STK33: variants seen among roughly 807,000 people sequenced by gnomAD.
STK33 encodes serine/threonine kinase 33.
Under a neutral mutation model 58.0 loss-of-function variants are expected in STK33, and 52 were observed. The ratio of observed to expected loss-of-function variants is 0.90; its 90% CI spans 0.72 to 1.13. STK33 has a LOEUF of 1.13. Among genes scored for constraint, STK33 ranks in the 50% most tolerant of loss-of-function variants. The pLI, the probability that STK33 is intolerant of heterozygous loss-of-function variation, is 0.00. For synonymous variants in STK33, 215 were observed against 200.1 expected, an observed-to-expected ratio of 1.07 and a Z score of -0.63; for missense variants, 630 against 604.2, an observed-to-expected ratio of 1.04 and a Z score of -0.45.
chr11:8,446,393 C>A (rs1429768335), intron 11 of STK33, among the ~76,000 whole-genome samples: 1 of 152,076 alleles, frequency 6.6e-6, no homozygotes, highest in Non-Finnish European at 1.5e-5. Context: ...CTGCTCTGAT[C>A]TTAGTTATTT....
intron 1 of STK33, among the ~76,000 whole-genome samples, chr11:8,561,838 A>G (rs548639784): frequency 6.6e-6 from 1 of 152,298 alleles, no homozygotes; most frequent in East Asian, 1.9e-4. Context: ...CTGAGGGATA[A>G]CTGGAACCAC....
chr11:8,428,308 G>C (rs1040756253), intron 14 of STK33, among the ~76,000 whole-genome samples: 1 of 152,224 alleles, frequency 6.6e-6, no homozygotes, highest in Non-Finnish European at 1.5e-5. Context: ...GGATATGTAA[G>C]CACTGGTGTC....
At chr11:8,544,661 A>T (rs1955781669) in intron 1 of STK33, among the ~76,000 whole-genome samples, 1 of 152,118 alleles carries the variant, frequency 6.6e-6, no homozygotes, top group Non-Finnish European at 1.5e-5. Context: ...ATAGTTAATC[A>T]TAAAGATATG....
chr11:8,551,691 T>C (rs1193426215), intron 1 of STK33, among the ~76,000 whole-genome samples: 1 of 152,104 alleles, frequency 6.6e-6, no homozygotes, highest in Non-Finnish European at 1.5e-5. Context: ...TGCGCAGAAC[T>C]TGTAGGGAGC....
intron 1 of STK33, among the ~76,000 whole-genome samples, chr11:8,562,784 T>C (rs11041988): frequency 0.028 from 4,203 of 152,270 alleles, 55 homozygotes; most frequent in East Asian, 0.047. Flanking sequence ...TCATCAAATA[T>C]GCATAGGATA....
intron 1 of STK33, among the ~76,000 whole-genome samples, chr11:8,519,775 C>G (rs1241284781): frequency 6.6e-6 from 1 of 152,132 alleles, no homozygotes; most frequent in Non-Finnish European, 1.5e-5. Context: ...CACATACACC[C>G]TCCCAAGACT....
chr11:8,481,205 C>T (rs377764785), intron 1 of STK33, among the ~76,000 whole-genome samples: 2 of 152,184 alleles, frequency 1.3e-5, no homozygotes, highest in East Asian at 1.9e-4. Context: ...AGGGTCCAGG[C>T]AACTTTCCCC....
intron 6 of STK33, chr11:8,466,569 C>G (rs971471000): frequency 6.6e-6 from 1 of 152,236 alleles, no homozygotes; most frequent in Non-Finnish European, 1.5e-5. Flanking sequence ...AAGGTACAGC[C>G]TCCCTCCTGG....
intron 1 of STK33, among the ~76,000 whole-genome samples, chr11:8,544,507 T>G (rs1955766827): frequency 6.6e-6 from 1 of 151,460 alleles, no homozygotes; most frequent in African/African-American, 2.4e-5. Context: ...GCTTTTTAAA[T>G]TTTTCAACTG....
chr11:8,527,580 G>A (rs923142439), intron 1 of STK33, among the ~76,000 whole-genome samples: 3 of 152,100 alleles, frequency 2.0e-5, no homozygotes, highest in African/African-American at 7.2e-5. Flanking sequence ...TGTTCCCATG[G>A]CAAGAACTTG....
intron 1 of STK33, among the ~76,000 whole-genome samples, chr11:8,532,537 A>G (rs1187552615): frequency 1.3e-5 from 2 of 152,208 alleles, no homozygotes; most frequent in Non-Finnish European, 2.9e-5. Flanking sequence ...CCTTTTCCAA[A>G]CTTAAGCAGA....
chr11:8,344,877 G>C, the STK33 span, among the ~76,000 whole-genome samples: 1 of 152,180 alleles, frequency 6.6e-6, no homozygotes, highest in South Asian at 2.1e-4. Flanking sequence ...ACCCTGCCAG[G>C]CACCATCTCC....
the STK33 span, among the ~76,000 whole-genome samples, chr11:8,365,073 TCTC>T: frequency 1.1e-5 from 1 of 89,254 alleles, no homozygotes; most frequent in South Asian, 5.5e-4. Flanking sequence ...GTTAGTCCCT[TCTC>T]CTCCTCCCAA....
intron 11 of STK33, among the ~76,000 whole-genome samples, chr11:8,447,998 C>G (rs1945734175): frequency 6.6e-6 from 1 of 152,132 alleles, no homozygotes; most frequent in Non-Finnish European, 1.5e-5. Context: ...CAATAACAGA[C>G]AGACAGCCAA....
Position 8,542,386 on chromosome 11 carries a change from AT to A in STK33, c.-466+51696del, listed in dbSNP as rs1421712766. ...ACAACACAAAATACATTTCAAAAAA[AT>A]TGCTTTTAAAATGTTTGTCATCTAA... On this transcript the variant is annotated intron_variant, in intron 1 of 15. Transcript: ENST00000687296. 2.0e-5 allele frequency among the ~76,000 whole-genome samples: 3 copies of A among 152,334 alleles called. No individual in the cohort carries two copies. The South Asian group carries it at 6.2e-4, about 32-fold the overall frequency.
At chr11:8,450,142 A>G (rs908233381) in intron 11 of STK33, among the ~76,000 whole-genome samples, 4 of 152,218 alleles carry the variant, frequency 2.6e-5, no homozygotes, top group Non-Finnish European at 5.9e-5. Context: ...AATAGCAAAG[A>G]CTTGGAACCA....
chr11:8,520,725 G>A (rs2139806416), intron 1 of STK33, among the ~76,000 whole-genome samples: 1 of 152,210 alleles, frequency 6.6e-6, no homozygotes, highest in Non-Finnish European at 1.5e-5. Context: ...GCCAAATCAT[G>A]AGTGAACTCA....
In STK33 at chr11:8,418,413, C is replaced by A. The variant is rs576751166; in HGVS notation, c.1147-4721G>T. ...GTTCCAGCCATGTTCCCGCAAAAGA[C>A]ATGATCTTATTCTTTTTTATGGCTG... is the stretch of plus-strand genomic sequence containing the variant. On this transcript the variant is annotated intron_variant, in intron 14 of 15. Transcript: ENST00000687296. Among the ~76,000 whole-genome samples, 3 of 152,262 alleles carry A rather than the reference C, an allele frequency of 2.0e-5. No homozygotes were observed. In the South Asian group the frequency reaches 6.2e-4, roughly 32 times the overall value.
At position 8,559,209 on chromosome 11, in the gene STK33, T is replaced by C. The variant is rs558019150; in HGVS notation, c.-466+34874A>G. ...CTCAGGAATACAGGATCTTCTCCTG[T>C]CATCATGAGCATTATCACTAATATA... On this transcript the variant is annotated intron_variant, in intron 1 of 15. Transcript: ENST00000687296. Among the ~76,000 whole-genome samples the C allele has an allele frequency of 2.6e-5, 4 of 152,284 alleles. No homozygotes were observed. In the South Asian group the frequency reaches 8.3e-4, roughly 32 times the overall value.
Sources: gnomAD v4.1 joint callset for allele counts (sites outside exome capture counted in the v4.1 genomes callset) on GRCh38, gnomAD v4.1.1 for gene constraint, MANE v1.5 for transcripts, NCBI Gene and HGNC (gene_info 2026-07-23, HGNC 2026-07-21) for gene names.